Variants in RBMS1 observed in about 807,000 individuals in gnomAD.
RBMS1 encodes the protein RNA binding motif single stranded interacting protein 1.
RBMS1 carries 17 observed loss-of-function variants against 62.3 expected under a neutral mutation model. The observed-to-expected ratio is 0.27, with a 90% CI of 0.19 to 0.41. The LOEUF (loss-of-function observed/expected upper bound fraction) is 0.41, where lower values mean the gene tolerates loss of function less well. RBMS1 is among the 10% of genes least tolerant of loss of function. RBMS1 has a pLI of 1.00. For synonymous variants in RBMS1, 172 were observed against 170.0 expected (o/e 1.01, Z -0.09); for missense variants, 334 against 504.5 (o/e 0.66, Z 3.24).
chr2:160,474,654 T>G (rs951680133), intron 1 of RBMS1, among the ~76,000 whole-genome samples: 3 of 152,226 alleles, frequency 2.0e-5, no homozygotes, highest in African/African-American at 7.2e-5. Flanking sequence ...AAAACAAAAC[T>G]TCTTGAGTAC....
intron 1 of RBMS1, among the ~76,000 whole-genome samples, chr2:160,399,153 C>T (rs1695309142): frequency 6.6e-6 from 1 of 152,194 alleles, no homozygotes; most frequent in Non-Finnish European, 1.5e-5. Flanking sequence ...TTCCATGATG[C>T]AACCAATTAT....
At chr2:160,288,774 G>A (rs1015093066) in intron 6 of RBMS1, among the ~76,000 whole-genome samples, 7 of 152,156 alleles carry the variant, frequency 4.6e-5, no homozygotes, top group East Asian at 3.8e-4. Context: ...CTAAAACGAG[G>A]TGCTTTTATC....
At chr2:160,341,958 C>T (rs1691897623) in intron 2 of RBMS1, among the ~76,000 whole-genome samples, 1 of 152,140 alleles carries the variant, frequency 6.6e-6, no homozygotes, top group South Asian at 2.1e-4. Flanking sequence ...GATGAACTTG[C>T]CTGTGAAATC....
At chr2:160,358,231 T>C (rs572142974) in intron 2 of RBMS1, among the ~76,000 whole-genome samples, 5 of 152,248 alleles carry the variant, frequency 3.3e-5, no homozygotes, top group African/African-American at 1.2e-4. Context: ...CTCAAATGCA[T>C]CATGTGTTAA....
In RBMS1 at chr2:160,273,806, ACATTGCAT is replaced by A. The variant is rs1687691951; in HGVS notation, c.*958_*965del. The stretch of plus-strand genomic sequence containing the variant: ...CCTGAAAAAAGGCAAAAAAGACTTT[ACATTGCAT>A]CATACAGCAGATATCCTAAATCAGT... On this transcript the variant is annotated 3_prime_UTR_variant, in exon 14 of 14. Transcript: ENST00000348849. The A allele has an allele frequency of 1.5e-5, 2 of 136,752 alleles. No individual in the cohort carries two copies. Among genetic ancestry groups the A allele is most frequent in the Non-Finnish European group, 3.1e-5 (2 of 65,506 alleles). The allele number at this position is 136,752 out of a possible 1,614,324, so 8.5% of individuals were successfully genotyped here. A position where few individuals can be genotyped will look rare whatever the true frequency, so the allele number is the denominator to read the frequency against.
intron 1 of RBMS1, among the ~76,000 whole-genome samples, chr2:160,440,103 G>T (rs1415559407): frequency 8.4e-6 from 1 of 118,614 alleles, no homozygotes; most frequent in Non-Finnish European, 1.8e-5. Context: ...GAGGGGAGAG[G>T]GGAGAGGGCT....
At chr2:160,480,748 A>C (rs1483319582) in intron 1 of RBMS1, among the ~76,000 whole-genome samples, 1 of 152,224 alleles carries the variant, frequency 6.6e-6, no homozygotes, top group Non-Finnish European at 1.5e-5. Context: ...TAGAATAGTT[A>C]AGACCACTTT....
rs541463434 is a variant in RBMS1, at chr2:160,457,410, G to A, written c.75+35879C>T. ...CTCCCAAAGTGCTGGGATTACAGGC[G>A]TGAGCCACCGCGCGGTATCCTCATT... On this transcript the variant is annotated intron_variant, in intron 1 of 13. Transcript: ENST00000348849. 4.3e-3 allele frequency among the ~76,000 whole-genome samples: 651 copies of A among 152,280 alleles called. 7 individuals are homozygous for A. The South Asian group carries it at 0.053, about 12-fold the overall frequency.
intron 2 of RBMS1, among the ~76,000 whole-genome samples, chr2:160,347,154 G>A (rs1692231256): frequency 6.6e-6 from 1 of 152,064 alleles, no homozygotes; most frequent in Non-Finnish European, 1.5e-5. Flanking sequence ...ATGCAGAGGT[G>A]GGACCATGGC....
chr2:160,372,688 T>C (rs1377219236), intron 1 of RBMS1, among the ~76,000 whole-genome samples: 3 of 152,214 alleles, frequency 2.0e-5, no homozygotes, highest in Non-Finnish European at 4.4e-5. Context: ...CAGAACATTT[T>C]CTTTGTTTCC....
chr2:160,471,706 T>TATATATATATATATATATATATATAG, intron 1 of RBMS1, among the ~76,000 whole-genome samples: 1 of 105,516 alleles, frequency 9.5e-6, no homozygotes, highest in Admixed American at 1.1e-4. Context: ...TATATATATA[T>TATATATATATATATATATATATATAG]ATATATATAT....
chr2:160,365,103 CAATT>C (rs753271914), intron 2 of RBMS1, among the ~76,000 whole-genome samples: 9 of 152,080 alleles, frequency 5.9e-5, no homozygotes, highest in South Asian at 2.1e-4. Context: ...TTATTGGAAA[CAATT>C]AAGTTCAGAA....
At chr2:160,374,883 T>C (rs1284844301) in intron 1 of RBMS1, among the ~76,000 whole-genome samples, 3 of 151,738 alleles carry the variant, frequency 2.0e-5, no homozygotes, top group Admixed American at 6.6e-5. Flanking sequence ...TGAGCTGAGA[T>C]TGCACCATTG....
intron 1 of RBMS1, among the ~76,000 whole-genome samples, chr2:160,374,262 A>AAAACAAAC (rs569322847): frequency 6.6e-6 from 1 of 152,174 alleles, no homozygotes; most frequent in Non-Finnish European, 1.5e-5. Flanking sequence ...CTCAAAAACA[A>AAAACAAAC]AAACAAACAA....
intron 1 of RBMS1, among the ~76,000 whole-genome samples, chr2:160,462,163 C>A (rs987004498): frequency 6.6e-6 from 1 of 152,140 alleles, no homozygotes; most frequent in Non-Finnish European, 1.5e-5. Flanking sequence ...ATCAGATTCA[C>A]CAGGGCGAGG....
chr2:160,480,767 C>T (rs1040581285), intron 1 of RBMS1, among the ~76,000 whole-genome samples: 15 of 152,042 alleles, frequency 9.9e-5, no homozygotes, highest in Non-Finnish European at 1.8e-4. Flanking sequence ...TTGGAGAATA[C>T]GCACTTACTA....
At chr2:160,468,138 A>C (rs1314291292) in intron 1 of RBMS1, among the ~76,000 whole-genome samples, 1 of 152,170 alleles carries the variant, frequency 6.6e-6, no homozygotes, top group East Asian at 1.9e-4. Context: ...GATGTTAAAG[A>C]ATGGGGAGGA....
chr2:160,303,980 C>G (rs1028267619), intron 4 of RBMS1, among the ~76,000 whole-genome samples: 1 of 152,092 alleles, frequency 6.6e-6, no homozygotes, highest in African/African-American at 2.4e-5. Flanking sequence ...GTTCACACTA[C>G]TTTTGAGTCA....
At chr2:160,317,368 T>C (rs1294742135) in intron 3 of RBMS1, among the ~76,000 whole-genome samples, 1 of 152,176 alleles carries the variant, frequency 6.6e-6, no homozygotes, top group Non-Finnish European at 1.5e-5. Context: ...TGTCAACTTA[T>C]TTCAATTCAT....
Sources: allele counts gnomAD v4.1 joint callset (sites outside exome capture counted in the v4.1 genomes callset), GRCh38; gene constraint gnomAD v4.1.1; transcripts MANE v1.5; gene names NCBI Gene and HGNC (gene_info 2026-07-23, HGNC 2026-07-21).